Variants in LSAMP observed in about 807,000 individuals in gnomAD.
LSAMP encodes limbic system-associated membrane protein.
In LSAMP, 7 loss-of-function variants were observed where a neutral mutation model predicts 38.6. That is an observed-to-expected ratio of 0.18 (90% CI 0.10 to 0.34). LSAMP has a LOEUF of 0.34. LSAMP is among the 10% of genes least tolerant of loss of function. LSAMP has a pLI of 1.00. For missense variants in LSAMP, 313 were observed against 420.0 expected (o/e 0.75, Z 2.23); for synonymous variants, 154 against 166.8 (o/e 0.92, Z 0.59).
chr3:116,239,765 T>C (rs1207758839), intron 1 of LSAMP, among the ~76,000 whole-genome samples: 2 of 152,252 alleles, frequency 1.3e-5, no homozygotes, highest in South Asian at 4.1e-4. Flanking sequence ...GAAATAAGAA[T>C]TAGATTTAAA....
chr3:116,346,183 T>A (rs2048060503), intron 1 of LSAMP, among the ~76,000 whole-genome samples: 1 of 152,198 alleles, frequency 6.6e-6, no homozygotes. Context: ...CATATCTCCA[T>A]TTCAAGAAGA....
rs199675731 is a variant in LSAMP at position 116,173,355 on chromosome 3, A to G, written c.156-86799T>C. On this transcript the variant is annotated intron_variant, in intron 1 of 6. Coordinates refer to ENST00000490035, the MANE Select transcript of LSAMP (RefSeq NM_002338.5). The stretch of plus-strand genomic sequence containing the variant: ...GTTGGTGCAACAGAATATGATATAG[A>G]CCATGGCCTTTTCAGTTTGCCAATT... 5.9e-5 allele frequency among the ~76,000 whole-genome samples: 9 copies of G among 152,178 alleles called. No homozygotes were observed. In the East Asian group the frequency reaches 1.7e-3, roughly 29 times the overall value.
rs372589526 is a variant in LSAMP at position 116,191,113 on chromosome 3, C to T, written c.156-104557G>A. ...TGACTCGTGCCTGTAGTCCCAGCTA[C>T]TCGGGAGGCTGAGGCAGGAGAATGG... On this transcript the variant is annotated intron_variant, in intron 1 of 6. Transcript: ENST00000490035. Among the ~76,000 whole-genome samples, 26 of 152,212 alleles carry T rather than the reference C, an allele frequency of 1.7e-4. No homozygotes were observed. The South Asian group carries it at 5.4e-3, about 32-fold the overall frequency.
chr3:116,232,468 T>C (rs2046411507), intron 1 of LSAMP, among the ~76,000 whole-genome samples: 1 of 152,160 alleles, frequency 6.6e-6, no homozygotes, highest in Non-Finnish European at 1.5e-5. Flanking sequence ...ACCTAAGATG[T>C]TTAGAGAAAA....
At chr3:115,986,324 A>C (rs1939508113) in intron 3 of LSAMP, among the ~76,000 whole-genome samples, 1 of 152,162 alleles carries the variant, frequency 6.6e-6, no homozygotes. Flanking sequence ...ACTGAGTTCA[A>C]AAGAACATTG....
intron 2 of LSAMP, among the ~76,000 whole-genome samples, chr3:116,053,657 G>C (rs773672236): frequency 6.6e-6 from 1 of 152,122 alleles, no homozygotes; most frequent in East Asian, 1.9e-4. Context: ...AGTTTGATAC[G>C]ACTGAAACAT....
intron 1 of LSAMP, among the ~76,000 whole-genome samples, chr3:116,278,928 A>T (rs2047090180): frequency 6.6e-6 from 1 of 152,218 alleles, no homozygotes; most frequent in African/African-American, 2.4e-5. Context: ...AGGGCAGCCA[A>T]GGAAACTCCT....
chr3:115,938,982 A>G (rs556615874), intron 3 of LSAMP, among the ~76,000 whole-genome samples: 28 of 152,302 alleles, frequency 1.8e-4, no homozygotes, highest in Admixed American at 1.6e-3. Context: ...GATAGTTTTT[A>G]TTCTATGTGT....
At position 116,180,172 on chromosome 3, in the gene LSAMP, G is replaced by T. The variant is rs79973916; in HGVS notation, c.156-93616C>A. Among the ~76,000 whole-genome samples the T allele has an allele frequency of 3.0e-4, 46 of 152,134 alleles. No homozygotes were observed. In the East Asian group the frequency reaches 8.3e-3, roughly 28 times the overall value. On this transcript the variant is annotated intron_variant, in intron 1 of 6. Coordinates refer to ENST00000490035, the MANE Select transcript of LSAMP (RefSeq NM_002338.5). ...TATGTCAGGTGCTATGCTTTGTCTT[G>T]GGGGTATATCCGTGCATTACATGAA... is the stretch of plus-strand genomic sequence containing the variant.
intron 2 of LSAMP, among the ~76,000 whole-genome samples, chr3:116,022,425 T>G (rs1396772773): frequency 1.3e-5 from 2 of 152,286 alleles, no homozygotes; most frequent in East Asian, 1.9e-4. Flanking sequence ...CAATCTGGAT[T>G]CTCTCCTTAA....
chr3:115,957,695 C>T (rs1559896487), intron 3 of LSAMP, among the ~76,000 whole-genome samples: 3 of 152,198 alleles, frequency 2.0e-5, no homozygotes, highest in Admixed American at 6.5e-5. Flanking sequence ...GATTCTCTTG[C>T]TTCCATCTCA....
intron 1 of LSAMP, among the ~76,000 whole-genome samples, chr3:116,220,817 T>G (rs2107616227): frequency 6.6e-6 from 1 of 152,226 alleles, no homozygotes; most frequent in Admixed American, 6.5e-5. Context: ...GAACATTAAG[T>G]CAGATTCAGG....
At chr3:116,015,552 T>C (rs1645466853) in intron 3 of LSAMP, among the ~76,000 whole-genome samples, 1 of 152,112 alleles carries the variant, frequency 6.6e-6, no homozygotes, top group Admixed American at 6.6e-5. Context: ...TTGAACTATA[T>C]AACTGAAGAG....
chr3:116,444,637 A>G (rs1350236462), intron 1 of LSAMP, among the ~76,000 whole-genome samples: 3 of 151,708 alleles, frequency 2.0e-5, no homozygotes, highest in African/African-American at 7.3e-5. Context: ...CATTTAACCA[A>G]CACCACTGCT....
chr3:116,114,111 C>A (rs984479231), intron 1 of LSAMP, among the ~76,000 whole-genome samples: 2 of 152,188 alleles, frequency 1.3e-5, no homozygotes, highest in African/African-American at 4.8e-5. Context: ...AACCAAAGGA[C>A]CCCAGCGTCC....
intron 1 of LSAMP, among the ~76,000 whole-genome samples, chr3:116,442,567 G>T (rs536659527): frequency 4.6e-5 from 7 of 152,092 alleles, no homozygotes; most frequent in African/African-American, 9.7e-5. Context: ...TGAGAAGAAG[G>T]TCAGCTAAGA....
chr3:115,903,790 C>A (rs904841375), intron 3 of LSAMP, among the ~76,000 whole-genome samples: 9 of 152,098 alleles, frequency 5.9e-5, no homozygotes, highest in Non-Finnish European at 2.9e-5. Flanking sequence ...TATATTTTAT[C>A]AAATAATATC....
intron 1 of LSAMP, among the ~76,000 whole-genome samples, chr3:116,110,772 T>A (rs1307564512): frequency 1.3e-5 from 2 of 151,070 alleles, no homozygotes; most frequent in Non-Finnish European, 2.9e-5. Context: ...CCAAGGGAGG[T>A]CCCCCGATCC....
chr3:115,873,414 AG>A (rs1255085204), intron 3 of LSAMP, among the ~76,000 whole-genome samples: 1 of 151,746 alleles, frequency 6.6e-6, no homozygotes, highest in Non-Finnish European at 1.5e-5. Flanking sequence ...TTTTTAGACT[AG>A]GGCAGAAATT....
Sources: allele counts gnomAD v4.1 joint callset (sites outside exome capture counted in the v4.1 genomes callset), GRCh38; gene constraint gnomAD v4.1.1; transcripts MANE v1.5; gene names NCBI Gene and HGNC (gene_info 2026-07-23, HGNC 2026-07-21).